NDUFA10: variants seen among roughly 807,000 people sequenced by gnomAD.
NDUFA10 encodes NADH dehydrogenase [ubiquinone] 1 alpha subcomplex subunit 10, mitochondrial.
Under a neutral mutation model 47.8 loss-of-function variants are expected in NDUFA10, and 40 were observed. The ratio of observed to expected loss-of-function variants is 0.84; its 90% CI spans 0.65 to 1.09. The LOEUF is 1.09. Among genes scored for constraint, NDUFA10 ranks in the 50% least tolerant of loss-of-function variants. The pLI, the probability that NDUFA10 is intolerant of heterozygous loss-of-function variation, is 0.00. For missense variants in NDUFA10, 413 were observed against 451.1 expected (o/e 0.92, Z 0.76); for synonymous variants, 183 against 172.2 (o/e 1.06, Z -0.49).
intron 4 of NDUFA10, among the ~76,000 whole-genome samples, chr2:240,017,092 T>C (rs1697381347): frequency 6.6e-6 from 1 of 152,124 alleles, no homozygotes; most frequent in Non-Finnish European, 1.5e-5. Flanking sequence ...TCCTCCCAGA[T>C]AGGCTCCTTC....
intron 4 of NDUFA10, among the ~76,000 whole-genome samples, chr2:239,900,878 A>G (rs190205479): frequency 2.0e-5 from 3 of 152,384 alleles, no homozygotes; most frequent in Admixed American, 1.3e-4. Context: ...GAAAGAAGCC[A>G]TCTTCATCAC....
chr2:239,898,523 C>G (rs1370050283), intron 4 of NDUFA10, among the ~76,000 whole-genome samples: 8 of 152,250 alleles, frequency 5.3e-5, no homozygotes, highest in Non-Finnish European at 1.0e-4. Context: ...AGGTTGAACC[C>G]TGGGGCTTCC....
intron 4 of NDUFA10, among the ~76,000 whole-genome samples, chr2:239,934,807 C>T (rs972821380): frequency 6.6e-6 from 1 of 152,182 alleles, no homozygotes; most frequent in African/African-American, 2.4e-5. Context: ...TCTCTCTGTC[C>T]ACCGCATGGA....
intron 4 of NDUFA10, among the ~76,000 whole-genome samples, chr2:239,910,526 G>A (rs546405112): frequency 6.6e-6 from 1 of 152,166 alleles, no homozygotes; most frequent in South Asian, 2.1e-4. Context: ...TGAGAACACG[G>A]ACACATCGGG....
intron 4 of NDUFA10, among the ~76,000 whole-genome samples, chr2:239,908,257 GGA>G (rs1693691333): frequency 1.3e-5 from 2 of 152,124 alleles, no homozygotes; most frequent in African/African-American, 4.8e-5. Context: ...TGGGGTGGGG[GGA>G]GAGGGGAGGG....
At chr2:239,962,876 C>T (rs4567966) in intron 9 of NDUFA10, among the ~76,000 whole-genome samples, 87,499 of 151,834 alleles carry the variant, frequency 0.58, 25,390 homozygotes, top group Admixed American at 0.6. Context: ...GAGGTCGACG[C>T]GCACTCTGTG....
chr2:239,986,626 G>A (rs576503851), intron 9 of NDUFA10, among the ~76,000 whole-genome samples: 1 of 152,282 alleles, frequency 6.6e-6, no homozygotes, highest in South Asian at 2.1e-4. Flanking sequence ...AATAAATGGG[G>A]AGAAGGGAAA....
intron 4 of NDUFA10, among the ~76,000 whole-genome samples, chr2:240,015,107 C>T (rs974760534): frequency 2.0e-5 from 3 of 152,216 alleles, no homozygotes; most frequent in South Asian, 2.1e-4. Flanking sequence ...CAGGGCTTGT[C>T]GCCTCCACTG....
intron 4 of NDUFA10, among the ~76,000 whole-genome samples, chr2:239,908,330 G>A (rs1693692478): frequency 1.3e-5 from 2 of 152,124 alleles, no homozygotes; most frequent in African/African-American, 4.8e-5. Context: ...ACACCAGCAT[G>A]GCACATGTAT....
At chr2:240,004,481 G>T (rs905583309) in intron 8 of NDUFA10, among the ~76,000 whole-genome samples, 1 of 147,396 alleles carries the variant, frequency 6.8e-6, no homozygotes, top group African/African-American at 2.7e-5. Context: ...AACGCACCAA[G>T]ACCTATCCGC....
In NDUFA10 at chr2:239,990,141, GGAATGCTT is replaced by G; in HGVS notation, c.924_931del (p.Ser309TyrfsTer14). 6.2e-7 allele frequency: 1 copy of G among 1,613,964 alleles called. No homozygotes were observed. The highest frequency in any genetic ancestry group is 8.5e-7 in the Non-Finnish European group (1 of 1,179,930). ...AATGGTGACTTCCGGGAGAAAGATAGGAATGCTTGTGTAATTCAGCACCTCAAACTTAT... is the reference window on the plus strand; with the variant it reads ...AATGGTGACTTCCGGGAGAAAGATAGGTGTAATTCAGCACCTCAAACTTAT... On this transcript the variant is annotated frameshift_variant, in exon 9 of 10. Coordinates refer to ENST00000252711, the MANE Select transcript of NDUFA10 (RefSeq NM_004544.4). LOFTEE classifies it high-confidence loss of function.
In NDUFA10 at chr2:239,960,729, G is replaced by A. The variant is rs539829771; in HGVS notation, c.*389C>T. 188 of 1,186,696 alleles carry A rather than the reference G, an allele frequency of 1.6e-4. 1 individual carries two copies. The South Asian group carries it at 1.9e-3, about 12-fold the overall frequency. The allele number at this position is 1,186,696 out of a possible 1,614,324, so 73.5% of individuals were successfully genotyped here. On this transcript the variant is annotated 3_prime_UTR_variant, in exon 10 of 10. Transcript: ENST00000252711. The stretch of plus-strand genomic sequence containing the variant: ...CGTGCCCGCACGCACATAGACGTAC[G>A]ATGGGGAAATTCCCATGGAAACACT...
chr2:240,022,117 T>TA, intron 2 of NDUFA10, 55 bp downstream of exon 2: 1 of 1,490,590 alleles, frequency 6.7e-7, no homozygotes, highest in Non-Finnish European at 9.2e-7. Flanking sequence ...ACCAGTGAAA[T>TA]AAGCAACCAT....
In NDUFA10 at chr2:240,021,372, G is replaced by A; in HGVS notation, c.285C>T (p.Asp95=). The A allele has an allele frequency of 1.9e-6, 3 of 1,614,170 alleles. No homozygotes were observed. Among genetic ancestry groups the A allele is most frequent in the Non-Finnish European group, 2.5e-6 (3 of 1,180,028 alleles). ...HFPEAGIHYP[D]STTGDGKPLA... Reference sequence around the variant, plus strand: ...GGGGCTTCCCATCTCCTGTGGTACTGTCTGGATAATGAATCCCCGCTTCAG... The same window carrying A: ...GGGGCTTCCCATCTCCTGTGGTACTATCTGGATAATGAATCCCCGCTTCAG... Residue 95 remains aspartate, a synonymous_variant, in exon 3 of 10, where the codon GAC becomes GAT. Coordinates refer to ENST00000252711, the MANE Select transcript of NDUFA10 (RefSeq NM_004544.4).
At chr2:240,006,814 C>T (rs909270689) in intron 7 of NDUFA10, among the ~76,000 whole-genome samples, 1 of 152,158 alleles carries the variant, frequency 6.6e-6, no homozygotes, top group African/African-American at 2.4e-5. Context: ...CTTGCATTAA[C>T]ACCACAATGC....
chr2:239,926,417 G>A (rs566557645), intron 4 of NDUFA10, among the ~76,000 whole-genome samples: 84 of 152,324 alleles, frequency 5.5e-4, no homozygotes, highest in African/African-American at 1.9e-3. Context: ...TAGTGACACT[G>A]TAGCCAGCAT....
intron 9 of NDUFA10, among the ~76,000 whole-genome samples, chr2:239,989,441 C>T (rs1696154921): frequency 6.6e-6 from 1 of 152,264 alleles, no homozygotes; most frequent in African/African-American, 2.4e-5. Context: ...ACCACAGCCA[C>T]CACTGCCGCG....
intron 4 of NDUFA10, among the ~76,000 whole-genome samples, chr2:239,937,275 A>G (rs1042219768): frequency 1.3e-5 from 2 of 152,236 alleles, no homozygotes; most frequent in African/African-American, 4.8e-5. Flanking sequence ...CGATGTTTTC[A>G]GGAAATTTAC....
intron 4 of NDUFA10, among the ~76,000 whole-genome samples, chr2:239,910,450 T>G (rs1348055142): frequency 6.6e-6 from 1 of 152,028 alleles, no homozygotes; most frequent in Admixed American, 6.5e-5. Context: ...TCATCCTCAG[T>G]CAAACTAATG....
Sources: allele counts gnomAD v4.1 joint callset (sites outside exome capture counted in the v4.1 genomes callset), GRCh38; gene constraint gnomAD v4.1.1; transcripts MANE v1.5; gene names NCBI Gene and HGNC (gene_info 2026-07-23, HGNC 2026-07-21).